CCDC171: variants seen among roughly 807,000 people sequenced by gnomAD.
CCDC171 encodes coiled-coil domain-containing protein 171.
In CCDC171, 177 loss-of-function variants were observed where a neutral mutation model predicts 168.2. The ratio of observed to expected loss-of-function variants is 1.05; its 90% confidence interval spans 0.93 to 1.19. CCDC171 has a LOEUF of 1.19. Ranked by LOEUF, CCDC171 falls within the 50% of genes most tolerant of loss-of-function variation. CCDC171 has a pLI of 0.00. For missense variants in CCDC171, 1,991 were observed against 1,539.0 expected, an observed-to-expected ratio of 1.29 and a Z score of -4.91; for synonymous variants, 687 against 540.8, an observed-to-expected ratio of 1.27 and a Z score of -3.75.
intron 21 of CCDC171, among the ~76,000 whole-genome samples, chr9:15,831,966 T>C (rs567852515): frequency 6.6e-6 from 1 of 152,234 alleles, no homozygotes; most frequent in East Asian, 1.9e-4. Flanking sequence ...GGTTTTGATT[T>C]CTTTTTTTGT....
At chr9:15,781,874 A>G (rs902132539) in intron 20 of CCDC171, among the ~76,000 whole-genome samples, 1 of 152,132 alleles carries the variant, frequency 6.6e-6, no homozygotes, top group African/African-American at 2.4e-5. Flanking sequence ...TACTATTATT[A>G]TTTCTAATTT....
chr9:15,893,302 TAAATG>T (rs1417737453), intron 24 of CCDC171, among the ~76,000 whole-genome samples: 1 of 152,130 alleles, frequency 6.6e-6, no homozygotes, highest in Non-Finnish European at 1.5e-5. Context: ...ATTAAAGACT[TAAATG>T]TAAAACCCAA....
chr9:15,910,761 T>C (rs564600875), intron 24 of CCDC171, among the ~76,000 whole-genome samples: 4 of 152,222 alleles, frequency 2.6e-5, no homozygotes, highest in African/African-American at 9.6e-5. Context: ...ATGTTCTCAT[T>C]ATTCAACTCC....
chr9:15,928,417 A>G (rs968320152), intron 25 of CCDC171, among the ~76,000 whole-genome samples: 1 of 151,730 alleles, frequency 6.6e-6, no homozygotes, highest in African/African-American at 2.4e-5. Flanking sequence ...AGTGGATTAG[A>G]TGGAGAATTG....
intron 21 of CCDC171, among the ~76,000 whole-genome samples, chr9:15,831,054 C>T (rs1382493477): frequency 6.7e-6 from 1 of 148,976 alleles, no homozygotes; most frequent in Non-Finnish European, 1.5e-5. Context: ...ACTGCAAGCT[C>T]CACCTCCCAG....
intron 7 of CCDC171, among the ~76,000 whole-genome samples, chr9:15,627,153 G>A (rs190638900): frequency 1.3e-5 from 2 of 152,054 alleles, no homozygotes; most frequent in Admixed American, 6.6e-5. Flanking sequence ...CCGTGGGATC[G>A]GTGGTGATAT....
intron 18 of CCDC171, chr9:15,776,233 C>G (rs2057319377): frequency 6.6e-6 from 1 of 152,104 alleles, no homozygotes; most frequent in African/African-American, 2.4e-5. Context: ...CAGGGCCATG[C>G]TAATCTTCTC....
At chr9:15,926,045 C>G (rs144864022) in intron 25 of CCDC171, among the ~76,000 whole-genome samples, 83 of 146,206 alleles carry the variant, frequency 5.7e-4, no homozygotes, top group African/African-American at 1.9e-3. Flanking sequence ...GAGACATAAG[C>G]AAATCACAAA....
At chr9:15,762,192 TC>T (rs999394085) in intron 18 of CCDC171, among the ~76,000 whole-genome samples, 66 of 150,326 alleles carry the variant, frequency 4.4e-4, no homozygotes, top group African/African-American at 1.6e-3. Flanking sequence ...AAGTTGGATA[TC>T]CAGATACTGT....
At chr9:15,576,795 A>G (rs1036091915) in intron 3 of CCDC171, among the ~76,000 whole-genome samples, 5 of 152,136 alleles carry the variant, frequency 3.3e-5, no homozygotes, top group African/African-American at 9.7e-5. Context: ...TATATAAGCT[A>G]TTTCCTCCTG....
chr9:15,686,333 T>C (rs1467323605), intron 10 of CCDC171, among the ~76,000 whole-genome samples: 2 of 152,082 alleles, frequency 1.3e-5, no homozygotes, highest in Non-Finnish European at 2.9e-5. Flanking sequence ...ATATTCTTCC[T>C]CTGGATCCAT....
intron 6 of CCDC171, among the ~76,000 whole-genome samples, chr9:15,599,125 A>G (rs1369195578): frequency 6.6e-6 from 1 of 152,146 alleles, no homozygotes; most frequent in East Asian, 1.9e-4. Flanking sequence ...GTGTCTTTTA[A>G]TTGGAGCATT....
chr9:15,701,516 T>G (rs2051733247), intron 11 of CCDC171, among the ~76,000 whole-genome samples: 1 of 151,994 alleles, frequency 6.6e-6, no homozygotes, highest in Non-Finnish European at 1.5e-5. Flanking sequence ...CTTATTTTCA[T>G]GAAAGAATTC....
At chr9:15,995,697 G>T (rs919607583) in intron 3 of CCDC171, among the ~76,000 whole-genome samples, 4 of 152,164 alleles carry the variant, frequency 2.6e-5, no homozygotes, top group African/African-American at 9.7e-5. Context: ...TTTATTTGTT[G>T]CTTCATGATC....
chr9:15,906,832 A>T (rs1189918627), intron 24 of CCDC171, among the ~76,000 whole-genome samples: 1 of 152,142 alleles, frequency 6.6e-6, no homozygotes, highest in Non-Finnish European at 1.5e-5. Flanking sequence ...AAGTCTCTGG[A>T]TACAAAATCA....
At chr9:15,617,186 C>A (rs1209563464) in intron 6 of CCDC171, among the ~76,000 whole-genome samples, 1 of 152,152 alleles carries the variant, frequency 6.6e-6, no homozygotes, top group African/African-American at 2.4e-5. Context: ...CCTACTTCTG[C>A]CAATTGCTCA....
chr9:15,627,501 G>C (rs557543522), intron 7 of CCDC171, among the ~76,000 whole-genome samples: 21 of 152,298 alleles, frequency 1.4e-4, no homozygotes, highest in Admixed American at 2.6e-4. Context: ...GTGTCCCAGA[G>C]AGTCTGGTAT....
chr9:15,578,847 A>G lies in CCDC171; in HGVS notation c.178-2A>G. 6.2e-7 allele frequency: 1 copy of G among 1,611,046 alleles called. No homozygotes were observed. Among genetic ancestry groups the G allele is most frequent in the Non-Finnish European group, 8.5e-7 (1 of 1,178,556 alleles). On this transcript the variant is annotated splice_acceptor_variant, in intron 3 of 25. Coordinates refer to ENST00000380701, the MANE Select transcript of CCDC171 (RefSeq NM_173550.4). LOFTEE classifies it high-confidence loss of function. ...ATGTTGATATCAGGAATCTGTTTTTAGCTGGCAAGCTATGAGAGCCAGATT... is the reference window on the plus strand; with the variant it reads ...ATGTTGATATCAGGAATCTGTTTTTGGCTGGCAAGCTATGAGAGCCAGATT...
chr9:15,952,298 G>A (rs779678882), intron 25 of CCDC171, among the ~76,000 whole-genome samples: 7 of 152,110 alleles, frequency 4.6e-5, no homozygotes, highest in Non-Finnish European at 8.8e-5. Context: ...AGTAAGTTTT[G>A]AAATCAGGAT....
Sources: gnomAD v4.1 joint callset for allele counts (sites outside exome capture counted in the v4.1 genomes callset) on GRCh38, gnomAD v4.1.1 for gene constraint, MANE v1.5 for transcripts, NCBI Gene and HGNC (gene_info 2026-07-23, HGNC 2026-07-21) for gene names.